The following SPAG9 variants were observed in gnomAD, a reference collection of about 807,000 sequenced individuals.
The protein encoded by SPAG9 is sperm associated antigen 9, also known as C-Jun-amino-terminal kinase-interacting protein 4.
SPAG9 carries 35 observed loss-of-function variants against 166.5 expected under a neutral mutation model. That is an observed-to-expected ratio of 0.21 (90% CI 0.16 to 0.28). The LOEUF (loss-of-function observed/expected upper bound fraction) is 0.28. Ranked by LOEUF, SPAG9 falls within the 10% of genes least tolerant of loss-of-function variation. SPAG9 has a pLI of 1.00. For synonymous variants in SPAG9, 534 were observed against 565.5 expected (o/e 0.94, Z 0.79); for missense variants, 1,235 against 1,603.3 (o/e 0.77, Z 3.92).
chr17:51,063,284 T>C (rs2047568469), intron 2 of SPAG9, among the ~76,000 whole-genome samples: 1 of 151,690 alleles, frequency 6.6e-6, no homozygotes. Context: ...TGGTGGTGCA[T>C]GCCTGTAATC....
chr17:51,063,378 C>T (rs1184121623), intron 2 of SPAG9, among the ~76,000 whole-genome samples: 1 of 149,510 alleles, frequency 6.7e-6, no homozygotes, highest in Non-Finnish European at 1.5e-5. Context: ...TGCCACCGCA[C>T]TCCAGCCTGG....
At chr17:51,022,330 G>A (rs1221477147) in intron 6 of SPAG9, among the ~76,000 whole-genome samples, 2 of 151,910 alleles carry the variant, frequency 1.3e-5, no homozygotes, top group Admixed American at 6.6e-5. Context: ...GTGAGAATAG[G>A]TCATCTATAT....
chr17:51,069,411 A>AT (rs1365247191), intron 2 of SPAG9, among the ~76,000 whole-genome samples: 1 of 152,026 alleles, frequency 6.6e-6, no homozygotes, highest in Admixed American at 6.6e-5. Flanking sequence ...GCCTGAATGT[A>AT]TTTTTTTAGG....
intron 9 of SPAG9, among the ~76,000 whole-genome samples, chr17:51,013,076 T>A (rs549021035): frequency 6.6e-6 from 1 of 152,274 alleles, no homozygotes; most frequent in South Asian, 2.1e-4. Context: ...CAAAAACACT[T>A]TACAATGTCA....
At chr17:51,021,025 T>G (rs892313295) in intron 7 of SPAG9, 133 bp downstream of exon 7, 2 of 738,012 alleles carry the variant, frequency 2.7e-6, no homozygotes, top group Non-Finnish European at 4.6e-6. Context: ...ACCACAGATA[T>G]AGAGGGCCAA....
intron 26 of SPAG9, among the ~76,000 whole-genome samples, chr17:50,978,958 TA>T (rs1394544380): frequency 6.6e-6 from 1 of 151,962 alleles, no homozygotes; most frequent in Non-Finnish European, 1.5e-5. Context: ...AGGATAGTGG[TA>T]GAGATAAAGA....
At chr17:51,050,847 T>C (rs141172082) in intron 3 of SPAG9, among the ~76,000 whole-genome samples, 175 of 151,946 alleles carry the variant, frequency 1.2e-3, no homozygotes, top group Non-Finnish European at 1.8e-3. Context: ...TTGCTTCTGG[T>C]CTCAGAACTG....
chr17:51,109,360 C>T (rs941383292), intron 1 of SPAG9, among the ~76,000 whole-genome samples: 1 of 151,992 alleles, frequency 6.6e-6, no homozygotes, highest in East Asian at 1.9e-4. Flanking sequence ...CTTCAGCCTC[C>T]GGAGTAGCTG....
At chr17:51,115,052 T>C (rs958103747) in intron 1 of SPAG9, among the ~76,000 whole-genome samples, 3 of 152,162 alleles carry the variant, frequency 2.0e-5, no homozygotes, top group Admixed American at 6.6e-5. Flanking sequence ...CCCATGTTCA[T>C]ACACTTCCAA....
chr17:51,064,724 A>AG (rs752420809), intron 2 of SPAG9, among the ~76,000 whole-genome samples: 8 of 152,186 alleles, frequency 5.3e-5, no homozygotes, highest in Non-Finnish European at 8.8e-5. Context: ...AACAGGTATG[A>AG]GGGGGTGGTT....
chr17:51,044,150 T>G (rs2046938439), intron 4 of SPAG9, among the ~76,000 whole-genome samples: 1 of 152,202 alleles, frequency 6.6e-6, no homozygotes, highest in South Asian at 2.1e-4. Context: ...TTACTTTACT[T>G]ACAAATTACA....
intron 3 of SPAG9, among the ~76,000 whole-genome samples, chr17:51,053,951 A>G (rs1475903831): frequency 2.1e-5 from 3 of 141,962 alleles, no homozygotes; most frequent in African/African-American, 7.7e-5. Flanking sequence ...ACTTAAGCAA[A>G]CAGTACATAG....
chr17:51,077,029 T>TCTAGCTAGCTAGCTAGCTATCTAGCTAG lies in SPAG9; in HGVS notation c.424+2554_424+2555insCTAGCTAGATAGCTAGCTAGCTAGCTAG. 3.1e-5 allele frequency among the ~76,000 whole-genome samples: 2 copies of TCTAGCTAGCTAGCTAGCTATCTAGCTAG among 65,344 alleles called. 1 individual carries two copies. The highest frequency in any genetic ancestry group is 8.5e-4 in the East Asian group (2 of 2,346). The allele number at this position is 65,344 out of a possible 152,430, so 42.9% of individuals were successfully genotyped here. A position where few individuals can be genotyped will look rare whatever the true frequency, so the allele number is the denominator to read the frequency against. On this transcript the variant is annotated intron_variant, in intron 2 of 29. Coordinates refer to ENST00000262013, the MANE Select transcript of SPAG9 (RefSeq NM_001130528.3). ...AGCTAGCTAGCTAGCTATCTAGCTA[T>TCTAGCTAGCTAGCTAGCTATCTAGCTAG]CTATCTAGCTATCTAGCTATCTAGC... is the stretch of plus-strand genomic sequence containing the variant.
chr17:50,967,519 C>T (rs1320420004), intron 29 of SPAG9, among the ~76,000 whole-genome samples: 1 of 152,238 alleles, frequency 6.6e-6, no homozygotes, highest in East Asian at 1.9e-4. Context: ...TTCAAACTCC[C>T]ATCTCTGAAC....
At chr17:50,981,544 A>T (rs1011316984) in intron 25 of SPAG9, among the ~76,000 whole-genome samples, 1 of 151,918 alleles carries the variant, frequency 6.6e-6, no homozygotes, top group Non-Finnish European at 1.5e-5. Flanking sequence ...AAAGAAAGAA[A>T]GAATAGATAG....
intron 8 of SPAG9, chr17:51,014,576 A>C: frequency 2.4e-6 from 1 of 418,086 alleles, no homozygotes; most frequent in Non-Finnish European, 4.3e-6. Context: ...TTGTTGTGTG[A>C]TCCCAGCAAA....
chr17:51,027,041 A>C (rs2046209438), intron 6 of SPAG9, among the ~76,000 whole-genome samples: 1 of 152,172 alleles, frequency 6.6e-6, no homozygotes, highest in Non-Finnish European at 1.5e-5. Context: ...TAAAGCTTCT[A>C]AGATTAGCAG....
chr17:50,979,380 GA>G (rs76167072), intron 26 of SPAG9, among the ~76,000 whole-genome samples: 4,281 of 76,236 alleles, frequency 0.056, 70 homozygotes, highest in Middle Eastern at 0.1. Context: ...TTGAAAAAAA[GA>G]AAAAAAAAAA....
chr17:51,098,698 T>C (rs2048712492), intron 1 of SPAG9, among the ~76,000 whole-genome samples: 1 of 151,972 alleles, frequency 6.6e-6, no homozygotes, highest in Non-Finnish European at 1.5e-5. Flanking sequence ...TTCTCTGTGT[T>C]GTCAGGCTGG....
Sources: allele counts gnomAD v4.1 joint callset (sites outside exome capture counted in the v4.1 genomes callset), GRCh38; gene constraint gnomAD v4.1.1; transcripts MANE v1.5; gene names NCBI Gene and HGNC (gene_info 2026-07-23, HGNC 2026-07-21).